Variants in DNAAF6 observed in about 807,000 individuals in gnomAD.
DNAAF6 encodes dynein axonemal assembly factor 6.
Under a neutral mutation model 13.7 loss-of-function variants are expected in DNAAF6, and 3 were observed. The ratio of observed to expected loss-of-function variants is 0.22; its 90% CI spans 0.10 to 0.56. DNAAF6 has a LOEUF of 0.56. Ranked by LOEUF, DNAAF6 falls within the 20% of genes least tolerant of loss-of-function variation. The pLI is 0.92. For missense variants in DNAAF6, 130 were observed against 151.0 expected (o/e 0.86, Z 0.73); for synonymous variants, 54 against 49.2 (o/e 1.10, Z -0.41).
intron 1 of DNAAF6, among the ~76,000 whole-genome samples, chrX:107,209,280 T>A (rs1927795789): frequency 9.1e-6 from 1 of 110,213 alleles, no homozygotes; most frequent in Non-Finnish European, 1.9e-5. Context: ...TTAAAAAAAA[T>A]AAATAAATAA....
intron 5 of DNAAF6, 132 bp downstream of exon 5, chrX:107,222,973 G>C (rs905464604): frequency 7.4e-6 from 6 of 808,624 alleles, no homozygotes; most frequent in African/African-American, 4.3e-5. Context: ...TCACGTACTA[G>C]GGTAACAATG....
intron 1 of DNAAF6, chrX:107,207,401 T>C (rs1927732912): frequency 9.0e-6 from 1 of 111,713 alleles, no homozygotes. Flanking sequence ...GACCTGCTAC[T>C]CGCCAAGGGC....
chrX:107,208,523 T>C (rs1474998485), intron 1 of DNAAF6, among the ~76,000 whole-genome samples: 1 of 108,579 alleles, frequency 9.2e-6, no homozygotes, highest in Admixed American at 9.7e-5. Context: ...AGAGGAAATA[T>C]TAAATCAAAA....
chrX:107,215,646 G>A (rs931843266), intron 2 of DNAAF6, among the ~76,000 whole-genome samples: 2 of 111,584 alleles, frequency 1.8e-5, no homozygotes, highest in African/African-American at 6.5e-5. Context: ...AAAGACCCAC[G>A]TGAGCTGTTC....
At chrX:107,212,799 G>A in intron 1 of DNAAF6, 74 bp from the exon 2 acceptor site, 3 of 1,038,893 alleles carry the variant, frequency 2.9e-6, no homozygotes, top group Non-Finnish European at 3.8e-6. Flanking sequence ...AGGGAGATAT[G>A]ACAATAAAAC....
At chrX:107,225,390 A>G (rs945249049) in intron 5 of DNAAF6, among the ~76,000 whole-genome samples, 1 of 111,357 alleles carries the variant, frequency 9.0e-6, no homozygotes, top group African/African-American at 3.3e-5. Context: ...TAAATGTGCC[A>G]TTTATTTAAC....
intron 5 of DNAAF6, among the ~76,000 whole-genome samples, chrX:107,234,922 T>C (rs2147836729): frequency 8.9e-6 from 1 of 111,856 alleles, no homozygotes; most frequent in African/African-American, 3.2e-5. Context: ...ACAAATTATA[T>C]GACCTTTCAG....
chrX:107,213,742 T>C (rs964746966), intron 2 of DNAAF6, among the ~76,000 whole-genome samples: 9 of 111,787 alleles, frequency 8.1e-5, no homozygotes, highest in African/African-American at 2.9e-4. Context: ...CTCCTATTTC[T>C]TAACTATCGG....
At chrX:107,235,503 A>G (rs144980432) in intron 5 of DNAAF6, among the ~76,000 whole-genome samples, 1 of 111,660 alleles carries the variant, frequency 9.0e-6, no homozygotes, top group East Asian at 2.8e-4. Context: ...TGGGGAGAAT[A>G]CAGCTGTTGT....
intron 2 of DNAAF6, among the ~76,000 whole-genome samples, chrX:107,213,504 C>T (rs1927908620): frequency 8.9e-6 from 1 of 112,098 alleles, no homozygotes; most frequent in Non-Finnish European, 1.9e-5. Context: ...AAACTAGTTT[C>T]AGCCTACCAA....
At chrX:107,239,612 AC>A (rs1181156832) in intron 6 of DNAAF6, among the ~76,000 whole-genome samples, 2 of 111,255 alleles carry the variant, frequency 1.8e-5, no homozygotes, top group African/African-American at 6.5e-5. Flanking sequence ...CATTATCAGT[AC>A]CTATAATTCT....
rs1202741524 is a variant in DNAAF6, at chrX:107,212,949, G to A, written c.74G>A (p.Ser25Asn). 2.7e-5 allele frequency: 33 copies of A among 1,208,100 alleles called. No homozygotes were observed. The highest frequency in any genetic ancestry group is 1.5e-4 in the East Asian group (5 of 33,669). Residue 25 changes from serine to asparagine, a missense_variant, in exon 2 of 7, where the codon AGT (serine) becomes AAT (asparagine). Coordinates refer to ENST00000372453, the MANE Select transcript of DNAAF6 (RefSeq NM_173494.2). ...NMESQNVDFESVSSVTALEAL... is the reference protein window; with the variant it reads ...NMESQNVDFENVSSVTALEAL... ...GAATCTCAAAATGTAGACTTTGAGAGTGTTTCTTCAGTTACAGCTCTGGAA... is the reference window on the plus strand; with the variant it reads ...GAATCTCAAAATGTAGACTTTGAGAATGTTTCTTCAGTTACAGCTCTGGAA...
intron 5 of DNAAF6, among the ~76,000 whole-genome samples, chrX:107,223,629 TC>T: frequency 8.9e-6 from 1 of 111,882 alleles, no homozygotes; most frequent in South Asian, 3.7e-4. Context: ...CTATTTTTTT[TC>T]CTCCTTTCTT....
chrX:107,243,410 A>G lies in DNAAF6; in HGVS notation c.*112A>G. Reference sequence around the variant, plus strand: ...TTTATTATTCTGACATATTTTTGAAAGGGACAAAATTCAGTTCTAGTGATA... The same window carrying G: ...TTTATTATTCTGACATATTTTTGAAGGGGACAAAATTCAGTTCTAGTGATA... On this transcript the variant is annotated 3_prime_UTR_variant, in exon 7 of 7. Coordinates refer to ENST00000372453, the MANE Select transcript of DNAAF6 (RefSeq NM_173494.2). The G allele has an allele frequency of 1.0e-6, 1 of 977,696 alleles. No homozygotes were observed. Among genetic ancestry groups the G allele is most frequent in the Non-Finnish European group, 1.4e-6 (1 of 730,641 alleles). The allele number at this position is 977,696 out of a possible 1,213,427, so 80.6% of individuals were successfully genotyped here. A position where few individuals can be genotyped will look rare whatever the true frequency, so the allele number is the denominator to read the frequency against.
intron 5 of DNAAF6, among the ~76,000 whole-genome samples, chrX:107,225,322 G>T (rs1329977361): frequency 1.8e-5 from 2 of 111,086 alleles, no homozygotes; most frequent in African/African-American, 6.5e-5. Context: ...AAATGTATAT[G>T]CTTATCATTC....
chrX:107,237,899 T>C (rs1207243621), intron 5 of DNAAF6, among the ~76,000 whole-genome samples: 1 of 112,287 alleles, frequency 8.9e-6, no homozygotes, highest in Non-Finnish European at 1.9e-5. Flanking sequence ...GAGAATTGCT[T>C]GAACCTGGGA....
intron 2 of DNAAF6, among the ~76,000 whole-genome samples, chrX:107,214,506 G>C (rs1927931686): frequency 9.0e-6 from 1 of 110,980 alleles, no homozygotes; most frequent in African/African-American, 3.3e-5. Context: ...TGCATCTAGA[G>C]GTGTTTCTAG....
chrX:107,220,921 TTC>T (rs1408473748), intron 4 of DNAAF6, among the ~76,000 whole-genome samples: 1 of 78,218 alleles, frequency 1.3e-5, no homozygotes, highest in Non-Finnish European at 2.3e-5. Context: ...CTTTCTTTCT[TTC>T]TTTCTTTCTT....
intron 5 of DNAAF6, among the ~76,000 whole-genome samples, chrX:107,236,040 G>T (rs1388679545): frequency 9.0e-6 from 1 of 111,158 alleles, no homozygotes; most frequent in African/African-American, 3.3e-5. Context: ...ACACTGAGTC[G>T]GGAGAATTGC....
Sources: allele counts gnomAD v4.1 joint callset (sites outside exome capture counted in the v4.1 genomes callset), GRCh38; gene constraint gnomAD v4.1.1; transcripts MANE v1.5; gene names NCBI Gene and HGNC (gene_info 2026-07-23, HGNC 2026-07-21).